Variants in CLEC16A observed in about 807,000 individuals in gnomAD.
CLEC16A encodes the protein protein CLEC16A.
Under a neutral mutation model 109.5 loss-of-function variants are expected in CLEC16A, and 51 were observed. The observed-to-expected ratio is 0.47, with a 90% CI of 0.37 to 0.59. The LOEUF (loss-of-function observed/expected upper bound fraction) is 0.59, where lower values mean the gene tolerates loss of function less well. CLEC16A is among the 20% of genes least tolerant of loss of function. The pLI is 0.00. For synonymous variants in CLEC16A, 673 were observed against 564.2 expected (o/e 1.19, Z -2.73); for missense variants, 1,339 against 1,394.0 (o/e 0.96, Z 0.63).
At chr16:10,975,877 C>T (rs2043009546) in intron 7 of CLEC16A, among the ~76,000 whole-genome samples, 1 of 152,100 alleles carries the variant, frequency 6.6e-6, no homozygotes, top group Non-Finnish European at 1.5e-5. Context: ...GTCTCGAACT[C>T]CTGACCTAAA....
chr16:11,014,838 GC>G (rs1482059291), intron 11 of CLEC16A, among the ~76,000 whole-genome samples: 1 of 152,202 alleles, frequency 6.6e-6, no homozygotes, highest in Non-Finnish European at 1.5e-5. Flanking sequence ...TGGAGTTGGG[GC>G]CCGGAGTGGC....
intron 9 of CLEC16A, among the ~76,000 whole-genome samples, chr16:10,980,849 C>T (rs2043281226): frequency 6.6e-6 from 1 of 152,144 alleles, no homozygotes; most frequent in Non-Finnish European, 1.5e-5. Flanking sequence ...AATCCTGTGT[C>T]CTGAAAGCCC....
chr16:10,987,790 A>T (rs2043764318), intron 10 of CLEC16A, among the ~76,000 whole-genome samples: 1 of 152,168 alleles, frequency 6.6e-6, no homozygotes, highest in Admixed American at 6.5e-5. Context: ...ATGTGGTTTG[A>T]TTATACTTGT....
At chr16:11,091,289 G>C (rs958778985) in intron 19 of CLEC16A, among the ~76,000 whole-genome samples, 1 of 152,240 alleles carries the variant, frequency 6.6e-6, no homozygotes, top group Non-Finnish European at 1.5e-5. Context: ...GTTGTGTGTG[G>C]CTTTCAGTAA....
intron 19 of CLEC16A, among the ~76,000 whole-genome samples, chr16:11,099,409 A>G (rs537584752): frequency 1.3e-5 from 2 of 152,358 alleles, no homozygotes; most frequent in South Asian, 4.1e-4. Context: ...CCACATTTCA[A>G]GTGCTCAGTC....
At chr16:11,033,137 A>G (rs551869397) in intron 13 of CLEC16A, among the ~76,000 whole-genome samples, 2 of 152,302 alleles carry the variant, frequency 1.3e-5, no homozygotes, top group African/African-American at 4.8e-5. Context: ...CGCTAGAGCC[A>G]GGACGTGCTG....
At position 10,954,659 on chromosome 16, in the gene CLEC16A, C is replaced by T. The variant is rs1217057306; in HGVS notation, c.81-3123C>T. On this transcript the variant is annotated intron_variant, in intron 1 of 23. Transcript: ENST00000409790. This position sits in a 1 kb window ranked among gnomAD's most constrained non-coding sequence, Gnocchi z 4.2. ...TAAGTGATGGAGGTGTGCTCAGACC[C>T]AGGCATTCCAGTGTCTGTGATTAAC... Among the ~76,000 whole-genome samples, 1 of 152,176 alleles carries T rather than the reference C, an allele frequency of 6.6e-6. No homozygotes were observed.
chr16:10,983,350 C>T (rs1028367247), intron 10 of CLEC16A, among the ~76,000 whole-genome samples: 2 of 152,188 alleles, frequency 1.3e-5, no homozygotes, highest in African/African-American at 4.8e-5. Context: ...ACTCAGGCCC[C>T]AGGTGAGGGC....
At chr16:11,157,132 T>C in intron 22 of CLEC16A, 1 of 1,298,162 alleles carries the variant, frequency 7.7e-7, no homozygotes, top group South Asian at 1.3e-5. Flanking sequence ...TAAAGAGCTA[T>C]AGGCTAAAAG....
At chr16:11,052,179 G>A (rs151124254) in intron 18 of CLEC16A, among the ~76,000 whole-genome samples, 16 of 152,172 alleles carry the variant, frequency 1.1e-4, no homozygotes, top group African/African-American at 3.4e-4. Context: ...CTTTTTTTCC[G>A]AAGCAGGTAC....
At chr16:11,156,799 G>T in intron 22 of CLEC16A, 1 of 591,976 alleles carries the variant, frequency 1.7e-6, no homozygotes, top group East Asian at 6.8e-5. Context: ...GCACCACTGC[G>T]AGAGATTCCA....
chr16:11,093,141 T>C (rs570477656), intron 19 of CLEC16A, among the ~76,000 whole-genome samples: 80 of 152,344 alleles, frequency 5.3e-4, no homozygotes, highest in African/African-American at 1.4e-3. Context: ...CATGGTGCTT[T>C]TGGGGCATCA....
intron 19 of CLEC16A, among the ~76,000 whole-genome samples, chr16:11,100,960 G>T (rs1453381141): frequency 6.6e-6 from 1 of 152,150 alleles, no homozygotes; most frequent in African/African-American, 2.4e-5. Context: ...TTGAGACTGT[G>T]GCTGCGTGAG....
chr16:11,172,786 G>A (rs995683795), intron 23 of CLEC16A, among the ~76,000 whole-genome samples: 1 of 152,156 alleles, frequency 6.6e-6, no homozygotes, highest in Admixed American at 6.5e-5. Context: ...CTACTCGGGA[G>A]GCTGAGGCAG....
intron 19 of CLEC16A, among the ~76,000 whole-genome samples, chr16:11,113,783 G>T (rs1597427317): frequency 6.6e-6 from 1 of 152,210 alleles, no homozygotes; most frequent in Non-Finnish European, 1.5e-5. Flanking sequence ...CCATGTCATT[G>T]CTCCTTGGTG....
chr16:11,015,625 T>C (rs1056025371), intron 11 of CLEC16A, among the ~76,000 whole-genome samples: 3 of 152,138 alleles, frequency 2.0e-5, no homozygotes, highest in Non-Finnish European at 4.4e-5. Flanking sequence ...TCCTGCAAAT[T>C]AGTATTCAGC....
chr16:10,978,255 G>T (rs1324791444), intron 8 of CLEC16A, among the ~76,000 whole-genome samples: 3 of 152,200 alleles, frequency 2.0e-5, no homozygotes, highest in Non-Finnish European at 4.4e-5. Flanking sequence ...TTCTGATTCT[G>T]TGCTGCTGGT....
intron 22 of CLEC16A, among the ~76,000 whole-genome samples, chr16:11,128,132 C>T (rs193001108): frequency 1.3e-5 from 2 of 152,324 alleles, no homozygotes; most frequent in African/African-American, 4.8e-5. Flanking sequence ...AGTTTCGGAA[C>T]TTACTGGTTA....
chr16:10,990,897 G>A (rs905509511), intron 10 of CLEC16A, among the ~76,000 whole-genome samples: 6 of 152,184 alleles, frequency 3.9e-5, no homozygotes, highest in Admixed American at 2.0e-4. Flanking sequence ...TCATGAGTGG[G>A]CCAGCCTCTT....
Sources: gnomAD v4.1 joint callset for allele counts (sites outside exome capture counted in the v4.1 genomes callset) on GRCh38, gnomAD v4.1.1 for gene constraint, Gnocchi (gnomAD v3.1) non-coding constraint, MANE v1.5 for transcripts, NCBI Gene and HGNC (gene_info 2026-07-23, HGNC 2026-07-21) for gene names.